Variants in THRB observed in about 807,000 individuals in gnomAD.
THRB encodes nuclear receptor subfamily 1 group A member 2.
In THRB, 12 loss-of-function variants were observed where a neutral mutation model predicts 47.8. The observed-to-expected ratio is 0.25, with a 90% CI of 0.16 to 0.41. The LOEUF (loss-of-function observed/expected upper bound fraction) is 0.41, where lower values mean the gene tolerates loss of function less well. THRB is among the 10% of genes least tolerant of loss of function. THRB has a pLI of 1.00. For synonymous variants in THRB, 218 were observed against 212.2 expected, an observed-to-expected ratio of 1.03 and a Z score of -0.24; for missense variants, 348 against 589.2, an observed-to-expected ratio of 0.59 and a Z score of 4.24.
At chr3:24,232,083 G>T (rs926788079) in intron 3 of THRB, among the ~76,000 whole-genome samples, 3 of 152,182 alleles carry the variant, frequency 2.0e-5, no homozygotes, top group Admixed American at 6.5e-5. Context: ...GTTAGATCCA[G>T]TGAGGGTCTG....
chr3:24,231,654 C>T lies in THRB; in HGVS notation c.-42-2653G>A, dbSNP rs190491999. On this transcript the variant is annotated intron_variant, in intron 3 of 10. Coordinates refer to ENST00000646209, the MANE Select transcript of THRB (RefSeq NM_001354712.2). ...TTCCTTCAGTGAGCTCTAGAGTTTT[C>T]AATGTAATTCCAGTAAAGCTTCTAA... is the stretch of plus-strand genomic sequence containing the variant. Among the ~76,000 whole-genome samples, 461 of 152,154 alleles carry T rather than the reference C, an allele frequency of 3.0e-3. 1 individual carries two copies. The highest frequency in any genetic ancestry group is 0.01 in the African/African-American group (420 of 41,508).
chr3:24,481,233 T>G (rs1269490125), intron 1 of THRB, among the ~76,000 whole-genome samples: 2 of 134,708 alleles, frequency 1.5e-5, no homozygotes, highest in African/African-American at 6.0e-5. Flanking sequence ...CTTTCTGTTT[T>G]TTTTTTTTTT....
intron 1 of THRB, among the ~76,000 whole-genome samples, chr3:24,356,580 A>G (rs2149591738): frequency 6.6e-6 from 1 of 152,228 alleles, no homozygotes; most frequent in East Asian, 1.9e-4. Flanking sequence ...GGCTTTGCTA[A>G]GACCCCACTA....
intron 1 of THRB, among the ~76,000 whole-genome samples, chr3:24,429,305 A>G (rs1449444255): frequency 1.3e-5 from 2 of 150,506 alleles, no homozygotes; most frequent in Non-Finnish European, 3.0e-5. Context: ...TCACCTTGAT[A>G]TATATATGTA....
intron 4 of THRB, among the ~76,000 whole-genome samples, chr3:24,220,998 A>T (rs1313139445): frequency 1.3e-5 from 2 of 152,178 alleles, no homozygotes; most frequent in Non-Finnish European, 2.9e-5. Flanking sequence ...CAGTTACAGA[A>T]CCAAGACAAG....
chr3:24,304,847 GATT>G (rs2057228406), intron 2 of THRB, among the ~76,000 whole-genome samples: 1 of 152,088 alleles, frequency 6.6e-6, no homozygotes, highest in South Asian at 2.1e-4. Context: ...AAATGAAAAT[GATT>G]ATTAAGAAAG....
intron 8 of THRB, among the ~76,000 whole-genome samples, chr3:24,142,737 G>C (rs995698241): frequency 1.3e-5 from 2 of 152,228 alleles, no homozygotes; most frequent in Non-Finnish European, 1.5e-5. Context: ...CCAGAAGACC[G>C]AGTTGGTTTT....
chr3:24,212,589 A>AG (rs2046162466), intron 4 of THRB, among the ~76,000 whole-genome samples: 1 of 151,384 alleles, frequency 6.6e-6, no homozygotes, highest in African/African-American at 2.4e-5. Context: ...AAAAAAAAAA[A>AG]AAAAAAAAAG....
At chr3:24,300,833 G>A (rs1559872751) in intron 2 of THRB, among the ~76,000 whole-genome samples, 1 of 152,162 alleles carries the variant, frequency 6.6e-6, no homozygotes, top group South Asian at 2.1e-4. Flanking sequence ...GATGGGAGGG[G>A]TATCTCATTG....
intron 1 of THRB, among the ~76,000 whole-genome samples, chr3:24,473,841 G>A (rs1421583853): frequency 6.6e-6 from 1 of 152,168 alleles, no homozygotes; most frequent in African/African-American, 2.4e-5. Flanking sequence ...CACAGGAACA[G>A]AAAACCAAAC....
At chr3:24,244,684 G>T (rs1350864052) in intron 3 of THRB, among the ~76,000 whole-genome samples, 1 of 152,206 alleles carries the variant, frequency 6.6e-6, no homozygotes, top group Non-Finnish European at 1.5e-5. Context: ...AGTACCATCT[G>T]CTGATGGGCA....
chr3:24,261,360 G>A (rs1383701832), intron 3 of THRB, among the ~76,000 whole-genome samples: 2 of 151,882 alleles, frequency 1.3e-5, no homozygotes, highest in Admixed American at 6.6e-5. Context: ...TTAGCTGGGC[G>A]TGGTGGCACG....
At chr3:24,291,921 T>C (rs1414845110) in intron 3 of THRB, among the ~76,000 whole-genome samples, 1 of 152,210 alleles carries the variant, frequency 6.6e-6, no homozygotes, top group African/African-American at 2.4e-5. Context: ...TGTATATATA[T>C]ATGTTCATTG....
intron 1 of THRB, among the ~76,000 whole-genome samples, chr3:24,409,729 C>T (rs1031020224): frequency 6.6e-6 from 1 of 151,742 alleles, no homozygotes; most frequent in African/African-American, 2.4e-5. Context: ...AGATTCTGAA[C>T]ACAATACTAA....
At chr3:24,388,676 T>G (rs2149939124) in intron 1 of THRB, among the ~76,000 whole-genome samples, 1 of 152,292 alleles carries the variant, frequency 6.6e-6, no homozygotes, top group East Asian at 1.9e-4. Flanking sequence ...CTGGCTACAC[T>G]GTGTGACAGT....
rs143841373 is a variant in THRB, at chr3:24,150,777, G to A, written c.384+1613C>T. Among the ~76,000 whole-genome samples, 804 of 152,208 alleles carry A rather than the reference G, an allele frequency of 5.3e-3. 4 individuals are homozygous for A. Among genetic ancestry groups the A allele is most frequent in the African/African-American group, 0.018 (751 of 41,534 alleles). On this transcript the variant is annotated intron_variant, in intron 6 of 10. Transcript: ENST00000646209. ...AATCAGGATCTCTCTCCCAGAATTC[G>A]AAATTTCCCATTATGCGCCGATTTA...
chr3:24,335,800 T>C (rs2062210750), intron 2 of THRB, among the ~76,000 whole-genome samples: 1 of 152,236 alleles, frequency 6.6e-6, no homozygotes, highest in African/African-American at 2.4e-5. Flanking sequence ...TTTATAGAAA[T>C]CTCTTCTTAG....
intron 1 of THRB, among the ~76,000 whole-genome samples, chr3:24,456,694 C>T (rs181424438): frequency 7.1e-4 from 107 of 151,182 alleles, no homozygotes; most frequent in Non-Finnish European, 1.2e-3. Flanking sequence ...AGATAGTAAA[C>T]AAACTGCTTA....
chr3:24,265,812 C>T (rs773572625), intron 3 of THRB, among the ~76,000 whole-genome samples: 33 of 152,100 alleles, frequency 2.2e-4, no homozygotes, highest in African/African-American at 6.3e-4. Flanking sequence ...TGTAAGGCTA[C>T]GTTACATACT....
Sources: gnomAD v4.1 joint callset for allele counts (sites outside exome capture counted in the v4.1 genomes callset) on GRCh38, gnomAD v4.1.1 for gene constraint, MANE v1.5 for transcripts, NCBI Gene and HGNC (gene_info 2026-07-23, HGNC 2026-07-21) for gene names.